SRGAP2: variants seen among roughly 807,000 people sequenced by gnomAD.
SRGAP2 encodes the protein SLIT-ROBO Rho GTPase-activating protein 2.
Under a neutral mutation model 57.2 loss-of-function variants are expected in SRGAP2, and 15 were observed. The ratio of observed to expected loss-of-function variants is 0.26; its 90% CI spans 0.18 to 0.40. The LOEUF is 0.40. SRGAP2 is among the 10% of genes least tolerant of loss of function. The probability of loss-of-function intolerance (pLI) is 1.00; values close to 1 mark genes in which losing one functional copy is unlikely to be tolerated. For synonymous variants in SRGAP2, 249 were observed against 248.0 expected (o/e 1.00, Z -0.04); for missense variants, 520 against 669.6 (o/e 0.78, Z 2.47).
At chr1:206,370,436 C>T (rs1248590060) in intron 4 of SRGAP2, among the ~76,000 whole-genome samples, 1 of 152,112 alleles carries the variant, frequency 6.6e-6, no homozygotes, top group African/African-American at 2.4e-5. Context: ...GAAGGAAGTG[C>T]TGATACATGC....
intron 3 of SRGAP2, among the ~76,000 whole-genome samples, chr1:206,303,995 T>C (rs1477980600): frequency 6.1e-4 from 93 of 152,198 alleles, no homozygotes; most frequent in African/African-American, 2.1e-3. Context: ...GTCTATATTT[T>C]TAACCATTTC....
intron 15 of SRGAP2, 41 bp downstream of exon 15, chr1:206,437,083 G>GC (rs1314992865): frequency 3.8e-6 from 3 of 779,372 alleles, no homozygotes; most frequent in Non-Finnish European, 7.2e-6. Flanking sequence ...ATATTTGCCA[G>GC]CCCCCTGGGG....
At chr1:206,352,762 T>C (rs1427347418) in intron 4 of SRGAP2, among the ~76,000 whole-genome samples, 12 of 148,844 alleles carry the variant, frequency 8.1e-5, no homozygotes, top group Admixed American at 7.9e-4. Flanking sequence ...AAATCAGCTG[T>C]GGTTCTTAGA....
intron 3 of SRGAP2, among the ~76,000 whole-genome samples, chr1:206,306,596 C>T (rs1188753087): frequency 6.6e-5 from 10 of 152,138 alleles, no homozygotes; most frequent in African/African-American, 2.4e-4. Flanking sequence ...CTTTTAGTCT[C>T]TTATCTGGCC....
rs1163899818 is a variant in SRGAP2 at position 206,257,337 on chromosome 1, AT to A, written c.68-45927del. ...CAATTGTGCACCACTACACACTGCT[AT>A]TTTTTTTTTTTTTTTTGAGATGGGG... On this transcript the variant is annotated intron_variant, in intron 2 of 22. Coordinates refer to ENST00000573034, the MANE Select transcript of SRGAP2 (RefSeq NM_015326.5). Among the ~76,000 whole-genome samples, 688 of 74,508 alleles carry A rather than the reference AT, an allele frequency of 9.2e-3. 47 individuals are homozygous for A. The highest frequency in any genetic ancestry group is 0.025 in the South Asian group (39 of 1,570). 48.9% of individuals were successfully genotyped at this position (74,508 alleles called of 152,430 possible).
intron 2 of SRGAP2, among the ~76,000 whole-genome samples, chr1:206,230,729 C>G (rs1667583654): frequency 7.2e-6 from 1 of 138,602 alleles, no homozygotes; most frequent in South Asian, 2.3e-4. Flanking sequence ...CGGGTTCAAG[C>G]AATTCTCCTG....
At chr1:206,210,646 C>T (rs2102442498) in intron 2 of SRGAP2, among the ~76,000 whole-genome samples, 1 of 149,456 alleles carries the variant, frequency 6.7e-6, no homozygotes, top group African/African-American at 2.5e-5. Context: ...TATAAACAAG[C>T]TCTTTCCCTT....
intron 18 of SRGAP2, among the ~76,000 whole-genome samples, chr1:206,447,023 T>C (rs540304676): frequency 5.8e-4 from 89 of 152,360 alleles, no homozygotes; most frequent in African/African-American, 2.0e-3. Context: ...TTTAGGCCAC[T>C]CTAGTGATGG....
At chr1:206,273,730 G>C (rs1449987160) in intron 2 of SRGAP2, among the ~76,000 whole-genome samples, 5 of 148,198 alleles carry the variant, frequency 3.4e-5, no homozygotes, top group African/African-American at 1.3e-4. Flanking sequence ...ATGACCCTCA[G>C]AGTTAAGGCT....
At position 206,392,706 on chromosome 1, in the gene SRGAP2, C is replaced by T; in HGVS notation, c.504C>T (p.His168=). 1 of 765,172 alleles carries T rather than the reference C, an allele frequency of 1.3e-6. No homozygotes were observed. The highest frequency in any genetic ancestry group is 2.4e-6 in the Non-Finnish European group (1 of 410,420). 47.4% of individuals were successfully genotyped at this position (765,172 alleles called of 1,614,324 possible). The part of the protein sequence containing the change: ...NELYSVMKTY[H]MYNADSISAQ... Reference sequence around the variant, plus strand: ...TCTTGCAGGTGATGAAGACATATCACATGTACAATGCCGACAGCATCAGTG... The same window carrying T: ...TCTTGCAGGTGATGAAGACATATCATATGTACAATGCCGACAGCATCAGTG... Residue 168 remains histidine, a synonymous_variant, in exon 6 of 23, where the codon CAC becomes CAT. Coordinates refer to ENST00000573034, the MANE Select transcript of SRGAP2 (RefSeq NM_015326.5).
At chr1:206,374,204 A>G (rs1553343609) in intron 4 of SRGAP2, among the ~76,000 whole-genome samples, 1 of 149,968 alleles carries the variant, frequency 6.7e-6, no homozygotes, top group Non-Finnish European at 1.5e-5. Context: ...TTTTTTTTGT[A>G]TTTTTAGTAG....
chr1:206,285,724 G>A (rs1670986011), intron 2 of SRGAP2, among the ~76,000 whole-genome samples: 1 of 152,120 alleles, frequency 6.6e-6, no homozygotes, highest in South Asian at 2.1e-4. Context: ...CTGGAGTGCA[G>A]CGGTGTGATC....
intron 3 of SRGAP2, among the ~76,000 whole-genome samples, chr1:206,306,190 G>C (rs1353698455): frequency 1.3e-5 from 2 of 152,194 alleles, no homozygotes; most frequent in Non-Finnish European, 2.9e-5. Flanking sequence ...CTGACTTCAA[G>C]AATGAGGCTG....
At chr1:206,458,252 A>G in intron 21 of SRGAP2, 1 of 446,012 alleles carries the variant, frequency 2.2e-6, no homozygotes, top group South Asian at 1.8e-5. Context: ...GGTGATGGTG[A>G]GACTTCTTCT....
intron 2 of SRGAP2, among the ~76,000 whole-genome samples, chr1:206,209,508 G>A (rs1249163375): frequency 6.6e-6 from 1 of 152,026 alleles, no homozygotes; most frequent in Non-Finnish European, 1.5e-5. Context: ...TATGAGGGGT[G>A]TGCCTCCTTA....
chr1:206,435,838 C>G (rs914292603), intron 14 of SRGAP2, among the ~76,000 whole-genome samples: 3 of 152,358 alleles, frequency 2.0e-5, no homozygotes, highest in East Asian at 1.9e-4. Context: ...TGATTAGCAG[C>G]AGTCACTATG....
intron 2 of SRGAP2, among the ~76,000 whole-genome samples, chr1:206,253,131 G>C (rs533813128): frequency 3.4e-5 from 5 of 149,208 alleles, no homozygotes; most frequent in Admixed American, 6.6e-5. Context: ...TGTTGAGGTC[G>C]GGTGTCTGTC....
intron 2 of SRGAP2, among the ~76,000 whole-genome samples, chr1:206,236,364 C>T (rs1289195225): frequency 2.0e-5 from 3 of 152,332 alleles, no homozygotes; most frequent in Admixed American, 2.0e-4. Flanking sequence ...AGGGATCTTA[C>T]TCCTCTTTGA....
chr1:206,461,107 A>AC lies in SRGAP2; in HGVS notation c.2904dup (p.Thr969HisfsTer3). 1 of 776,030 alleles carries AC rather than the reference A, an allele frequency of 1.3e-6. No individual in the cohort carries two copies. The highest frequency in any genetic ancestry group is 2.4e-6 in the Non-Finnish European group (1 of 414,756). 48.1% of individuals were successfully genotyped at this position (776,030 alleles called of 1,614,324 possible). A position where few individuals can be genotyped will look rare whatever the true frequency, so the allele number is the denominator to read the frequency against. ...CTAGAACGGCAGAGCAGTGTCAAAC[A>AC]CACCCCTGACGTGGTTCTGGACACC... On this transcript the variant is annotated frameshift_variant, in exon 23 of 23. Coordinates refer to ENST00000573034, the MANE Select transcript of SRGAP2 (RefSeq NM_015326.5). LOFTEE classifies it high-confidence loss of function.
Sources: allele counts gnomAD v4.1 joint callset (sites outside exome capture counted in the v4.1 genomes callset), GRCh38; gene constraint gnomAD v4.1.1; transcripts MANE v1.5; gene names NCBI Gene and HGNC (gene_info 2026-07-23, HGNC 2026-07-21).